FHIT: variants seen among roughly 807,000 people sequenced by gnomAD.
The protein encoded by FHIT is bis(5'-adenosyl)-triphosphatase.
FHIT carries 19 observed loss-of-function variants against 17.9 expected under a neutral mutation model. The ratio of observed to expected loss-of-function variants is 1.06; its 90% CI spans 0.74 to 1.56. FHIT has a LOEUF of 1.56. FHIT is among the 40% of genes most tolerant of loss of function. The pLI, the probability that FHIT is intolerant of heterozygous loss-of-function variation, is 0.00. For missense variants in FHIT, 248 were observed against 189.2 expected (o/e 1.31, Z -1.82); for synonymous variants, 81 against 69.7 (o/e 1.16, Z -0.81).
intron 4 of FHIT, among the ~76,000 whole-genome samples, chr3:60,678,535 T>C (rs1322249306): frequency 6.6e-6 from 1 of 152,260 alleles, no homozygotes; most frequent in South Asian, 2.1e-4. Context: ...ACCATGTAAC[T>C]GATAGATTTT....
chr3:61,057,651 C>T (rs904292935), intron 2 of FHIT, among the ~76,000 whole-genome samples: 3 of 152,092 alleles, frequency 2.0e-5, no homozygotes, highest in African/African-American at 7.2e-5. Flanking sequence ...AACACCCAGG[C>T]CATTGGAACA....
intron 5 of FHIT, among the ~76,000 whole-genome samples, chr3:60,104,266 T>G (rs961103857): frequency 6.6e-6 from 1 of 152,176 alleles, no homozygotes; most frequent in South Asian, 2.1e-4. Context: ...ACATCATCAA[T>G]CAACCAGTGT....
At chr3:60,231,935 C>T (rs1295090027) in intron 5 of FHIT, among the ~76,000 whole-genome samples, 1 of 152,072 alleles carries the variant, frequency 6.6e-6, no homozygotes, top group Admixed American at 6.6e-5. Context: ...GCTGAGGCTT[C>T]CAGGAGACAG....
chr3:60,310,820 T>A (rs1423674839), intron 5 of FHIT, among the ~76,000 whole-genome samples: 2 of 152,182 alleles, frequency 1.3e-5, no homozygotes, highest in Non-Finnish European at 2.9e-5. Flanking sequence ...AGGGGACAAC[T>A]GTGTATGCCC....
chr3:61,190,704 G>A (rs559475991), intron 2 of FHIT, among the ~76,000 whole-genome samples: 20 of 152,212 alleles, frequency 1.3e-4, no homozygotes, highest in African/African-American at 4.6e-4. Flanking sequence ...ATGATTGACT[G>A]GATTAAGAAA....
intron 5 of FHIT, among the ~76,000 whole-genome samples, chr3:60,221,152 T>C (rs1396361275): frequency 6.6e-6 from 1 of 152,204 alleles, no homozygotes; most frequent in Non-Finnish European, 1.5e-5. Flanking sequence ...AAATGCTAAA[T>C]GGAAAGCAAA....
At chr3:60,983,075 G>T (rs1279247896) in intron 3 of FHIT, among the ~76,000 whole-genome samples, 1 of 152,000 alleles carries the variant, frequency 6.6e-6, no homozygotes, top group African/African-American at 2.4e-5. Flanking sequence ...TTCTTGGACA[G>T]ATATTTAACT....
chr3:60,761,618 C>CT (rs71629113), intron 4 of FHIT, among the ~76,000 whole-genome samples: 297 of 128,678 alleles, frequency 2.3e-3, no homozygotes, highest in South Asian at 7.4e-3. Context: ...TCTTCCATGT[C>CT]TTTTTTTTTT....
At chr3:60,286,028 T>C (rs1317445705) in intron 5 of FHIT, among the ~76,000 whole-genome samples, 2 of 152,074 alleles carry the variant, frequency 1.3e-5, no homozygotes, top group Non-Finnish European at 2.9e-5. Flanking sequence ...TAAGTGGGTG[T>C]AGAGGGGGAG....
chr3:60,494,095 A>T (rs2034186940), intron 5 of FHIT, among the ~76,000 whole-genome samples: 1 of 152,182 alleles, frequency 6.6e-6, no homozygotes, highest in Non-Finnish European at 1.5e-5. Context: ...TTAAAGTGTA[A>T]AATTCAGTGG....
intron 5 of FHIT, among the ~76,000 whole-genome samples, chr3:60,138,456 G>C (rs947728704): frequency 6.6e-6 from 1 of 152,262 alleles, no homozygotes; most frequent in South Asian, 2.1e-4. Flanking sequence ...CCTGTAGACA[G>C]AAATTTTCTC....
At chr3:59,936,358 T>A (rs571687703) in intron 7 of FHIT, among the ~76,000 whole-genome samples, 2 of 152,324 alleles carry the variant, frequency 1.3e-5, no homozygotes, top group East Asian at 3.9e-4. Context: ...AAAAAGGATT[T>A]GGATGCAAAT....
intron 3 of FHIT, among the ~76,000 whole-genome samples, chr3:60,916,986 C>A (rs1707037559): frequency 6.6e-6 from 1 of 152,058 alleles, no homozygotes; most frequent in Non-Finnish European, 1.5e-5. Flanking sequence ...TACAAAAATG[C>A]AATTACTTTT....
chr3:59,963,563 T>A (rs1707787557), intron 7 of FHIT, among the ~76,000 whole-genome samples: 1 of 152,064 alleles, frequency 6.6e-6, no homozygotes, highest in Non-Finnish European at 1.5e-5. Flanking sequence ...AAATGAACAT[T>A]CACAGAGCGC....
intron 4 of FHIT, among the ~76,000 whole-genome samples, chr3:60,627,939 G>C (rs1424893609): frequency 5.9e-5 from 9 of 152,234 alleles, no homozygotes; most frequent in Admixed American, 5.9e-4. Context: ...TGGTTACATT[G>C]ATTCTATTTT....
chr3:61,066,790 G>C (rs910030443), intron 2 of FHIT, among the ~76,000 whole-genome samples: 1 of 152,174 alleles, frequency 6.6e-6, no homozygotes, highest in African/African-American at 2.4e-5. Context: ...CATAGGTTTG[G>C]GTAGATTATT....
intron 7 of FHIT, among the ~76,000 whole-genome samples, chr3:59,927,618 AG>A (rs1245676020): frequency 6.6e-6 from 1 of 151,958 alleles, no homozygotes; most frequent in Non-Finnish European, 1.5e-5. Flanking sequence ...ATACACAAAA[AG>A]TTAGCCAGGC....
At chr3:59,809,432 C>A (rs1018966340) in intron 8 of FHIT, among the ~76,000 whole-genome samples, 5 of 152,224 alleles carry the variant, frequency 3.3e-5, no homozygotes, top group Non-Finnish European at 5.9e-5. Context: ...GGACATCCAG[C>A]ATCTTGAACT....
At chr3:59,984,150 G>C (rs1183325468) in intron 7 of FHIT, among the ~76,000 whole-genome samples, 1 of 152,028 alleles carries the variant, frequency 6.6e-6, no homozygotes, top group Non-Finnish European at 1.5e-5. Flanking sequence ...CCCAGTAGTA[G>C]CAGGAGATAT....
Sources: allele counts gnomAD v4.1 joint callset (sites outside exome capture counted in the v4.1 genomes callset), GRCh38; gene constraint gnomAD v4.1.1; transcripts MANE v1.5; gene names NCBI Gene and HGNC (gene_info 2026-07-23, HGNC 2026-07-21).